The following FRMD4A variants were observed in gnomAD, a reference collection of about 807,000 sequenced individuals.
FRMD4A encodes the protein FERM domain-containing protein 4A.
A neutral mutation model predicts 129.1 loss-of-function variants in FRMD4A; 29 were observed. The ratio of observed to expected loss-of-function variants is 0.22; its 90% confidence interval spans 0.17 to 0.31. The LOEUF (loss-of-function observed/expected upper bound fraction) is 0.31. Among genes scored for constraint, FRMD4A ranks in the 10% least tolerant of loss-of-function variants. The pLI is 1.00. For missense variants in FRMD4A, 1,272 were observed against 1,375.8 expected (o/e 0.92, Z 1.19); for synonymous variants, 634 against 571.6 (o/e 1.11, Z -1.56).
intron 3 of FRMD4A, among the ~76,000 whole-genome samples, chr10:13,840,545 T>A (rs2093946089): frequency 6.6e-6 from 1 of 151,194 alleles, no homozygotes; most frequent in African/African-American, 2.4e-5. Flanking sequence ...TCCCAGCACT[T>A]TGGGAGGCCA....
At chr10:13,875,905 CG>C (rs1564955333) in intron 2 of FRMD4A, among the ~76,000 whole-genome samples, 1 of 151,986 alleles carries the variant, frequency 6.6e-6, no homozygotes, top group Admixed American at 6.6e-5. Context: ...AATGGGGGTT[CG>C]GGGGAACTTG....
At chr10:14,227,075 G>A (rs994858130) in intron 2 of FRMD4A, among the ~76,000 whole-genome samples, 1 of 151,978 alleles carries the variant, frequency 6.6e-6, no homozygotes, top group African/African-American at 2.4e-5. Flanking sequence ...GGCTGCACAT[G>A]CCCGCAAGAT....
At chr10:13,867,248 TTTTG>T (rs1054369941) in intron 2 of FRMD4A, among the ~76,000 whole-genome samples, 6 of 152,056 alleles carry the variant, frequency 3.9e-5, no homozygotes, top group African/African-American at 1.2e-4. Context: ...CAATCATATT[TTTTG>T]TTTGTTTTTT....
At chr10:13,960,114 T>A (rs1473474747) in intron 2 of FRMD4A, among the ~76,000 whole-genome samples, 1 of 152,170 alleles carries the variant, frequency 6.6e-6, no homozygotes, top group Admixed American at 6.5e-5. Flanking sequence ...ACTATCTCTG[T>A]GAACTTCACT....
At chr10:14,210,715 T>C (rs1303945460) in intron 2 of FRMD4A, among the ~76,000 whole-genome samples, 1 of 151,984 alleles carries the variant, frequency 6.6e-6, no homozygotes, top group East Asian at 1.9e-4. Context: ...ATTTCCGTCT[T>C]TGTTTGTTGT....
At chr10:14,136,718 T>C (rs1839555849) in intron 2 of FRMD4A, among the ~76,000 whole-genome samples, 2 of 152,090 alleles carry the variant, frequency 1.3e-5, no homozygotes, top group African/African-American at 4.8e-5. Flanking sequence ...TGAACCAATG[T>C]ACATCAATGT....
intron 3 of FRMD4A, among the ~76,000 whole-genome samples, chr10:13,855,265 G>A (rs778773624): frequency 2.6e-5 from 4 of 152,130 alleles, no homozygotes; most frequent in African/African-American, 7.2e-5. Flanking sequence ...CATCCTCCTG[G>A]CAAGAGGCAA....
chr10:13,742,393 G>A (rs952360029), intron 9 of FRMD4A, among the ~76,000 whole-genome samples: 1 of 152,188 alleles, frequency 6.6e-6, no homozygotes, highest in African/African-American at 2.4e-5. Context: ...TCTGGCCCCA[G>A]AGCCTTGGAA....
At chr10:13,889,968 A>C (rs554182699) in intron 2 of FRMD4A, among the ~76,000 whole-genome samples, 1 of 152,358 alleles carries the variant, frequency 6.6e-6, no homozygotes, top group African/African-American at 2.4e-5. Flanking sequence ...CCTATTTGTC[A>C]CACGACCCTC....
intron 2 of FRMD4A, among the ~76,000 whole-genome samples, chr10:14,131,937 T>A (rs1313479043): frequency 6.6e-6 from 1 of 152,198 alleles, no homozygotes; most frequent in African/African-American, 2.4e-5. Context: ...TGTTCACAGT[T>A]ACTCTTTGGT....
chr10:14,023,511 G>A (rs923806712), intron 2 of FRMD4A, among the ~76,000 whole-genome samples: 1 of 152,036 alleles, frequency 6.6e-6, no homozygotes, highest in African/African-American at 2.4e-5. Flanking sequence ...CCGCCTTCCC[G>A]GGGGCAGCGC....
At chr10:14,303,379 C>T (rs1846247890) in intron 2 of FRMD4A, among the ~76,000 whole-genome samples, 1 of 152,136 alleles carries the variant, frequency 6.6e-6, no homozygotes, top group African/African-American at 2.4e-5. Flanking sequence ...CTGGTGATGC[C>T]ACTGCTGCTA....
At chr10:14,327,993 A>G (rs958875785) in intron 2 of FRMD4A, among the ~76,000 whole-genome samples, 1 of 152,192 alleles carries the variant, frequency 6.6e-6, no homozygotes, top group African/African-American at 2.4e-5. Flanking sequence ...TTTAAGATGC[A>G]TCATGCAAGA....
At chr10:13,908,585 C>T (rs935691181) in intron 2 of FRMD4A, among the ~76,000 whole-genome samples, 1 of 152,192 alleles carries the variant, frequency 6.6e-6, no homozygotes, top group Admixed American at 6.5e-5. Flanking sequence ...CAGGATGTGT[C>T]TACGTTCTCC....
At position 13,967,066 on chromosome 10, in the gene FRMD4A, G is replaced by C. The variant is rs59207628; in HGVS notation, c.46-108154C>G. 4.2e-3 allele frequency among the ~76,000 whole-genome samples: 636 copies of C among 152,272 alleles called. 4 individuals are homozygous for C. The highest frequency in any genetic ancestry group is 0.013 in the African/African-American group (536 of 41,560). ...AAGAATGACACAACGGGCCGGGCGC[G>C]GTGGCTCACGCCTGTAATCCCAGCA... is the stretch of plus-strand genomic sequence containing the variant. On this transcript the variant is annotated intron_variant, in intron 2 of 24. Coordinates refer to ENST00000357447, the MANE Select transcript of FRMD4A (RefSeq NM_018027.5).
At chr10:14,278,703 C>A (rs1167105701) in intron 2 of FRMD4A, among the ~76,000 whole-genome samples, 1 of 152,160 alleles carries the variant, frequency 6.6e-6, no homozygotes, top group East Asian at 1.9e-4. Context: ...GGGGATCATG[C>A]GTTTTCCAGC....
intron 2 of FRMD4A, among the ~76,000 whole-genome samples, chr10:13,930,820 A>G (rs938125718): frequency 3.3e-5 from 5 of 151,930 alleles, no homozygotes; most frequent in African/African-American, 1.2e-4. Flanking sequence ...AAAGATTTAT[A>G]AAATTTTAGC....
chr10:14,086,899 A>G (rs1836312768), intron 2 of FRMD4A, among the ~76,000 whole-genome samples: 1 of 152,098 alleles, frequency 6.6e-6, no homozygotes, highest in Non-Finnish European at 1.5e-5. Context: ...CAGCTTCCTG[A>G]TTTTGAGGGG....
intron 12 of FRMD4A, among the ~76,000 whole-genome samples, chr10:13,715,440 T>C (rs1385606999): frequency 2.6e-5 from 4 of 152,234 alleles, no homozygotes; most frequent in African/African-American, 9.7e-5. Context: ...GTTTTCAACG[T>C]CATACTGTCT....
Sources: gnomAD v4.1 joint callset for allele counts (sites outside exome capture counted in the v4.1 genomes callset) on GRCh38, gnomAD v4.1.1 for gene constraint, MANE v1.5 for transcripts, NCBI Gene and HGNC (gene_info 2026-07-23, HGNC 2026-07-21) for gene names.